LVRN: variants seen among roughly 807,000 people sequenced by gnomAD.
LVRN encodes laeverin.
In LVRN, 99 loss-of-function variants were observed where a neutral mutation model predicts 111.4. The observed-to-expected ratio is 0.89, with a 90% CI of 0.76 to 1.05. LVRN has a LOEUF of 1.05. Ranked by LOEUF, LVRN falls within the 50% of genes least tolerant of loss-of-function variation. LVRN has a pLI of 0.00. For synonymous variants in LVRN, 488 were observed against 449.5 expected (o/e 1.09, Z -1.08); for missense variants, 1,414 against 1,206.8 (o/e 1.17, Z -2.54).
rs186488524 is a variant in LVRN at position 116,005,046 on chromosome 5, T to A, written c.2038-866T>A. On this transcript the variant is annotated intron_variant, in intron 12 of 19. Transcript: ENST00000357872. ...TATAGTAATGATTTATTGAAACCAT[T>A]GTAGATTTACTTATTGAAAAACAGA... Among the ~76,000 whole-genome samples the A allele has an allele frequency of 6.3e-3, 956 of 152,318 alleles. 5 individuals carry two copies. The highest frequency in any genetic ancestry group is 0.01 in the Middle Eastern group (3 of 294).
chr5:115,976,913 G>C (rs2112562707), intron 1 of LVRN, among the ~76,000 whole-genome samples: 1 of 152,220 alleles, frequency 6.6e-6, no homozygotes, highest in South Asian at 2.1e-4. Context: ...CTTTGAGAGT[G>C]ACTCTAAAGA....
At position 115,979,001 on chromosome 5, in the gene LVRN, T is replaced by C. The variant is rs76579837; in HGVS notation, c.696-4286T>C. Among the ~76,000 whole-genome samples, 482 of 152,308 alleles carry C rather than the reference T, an allele frequency of 3.2e-3. 2 individuals carry two copies. Among genetic ancestry groups the C allele is most frequent in the African/African-American group, 0.011 (466 of 41,578 alleles). Reference sequence around the variant, plus strand: ...CTCAGCAACTTCTATTTCTTTGTTCTGATAGTCATCATGACTTCTTCCTCA... The same window carrying C: ...CTCAGCAACTTCTATTTCTTTGTTCCGATAGTCATCATGACTTCTTCCTCA... On this transcript the variant is annotated intron_variant, in intron 1 of 19. Coordinates refer to ENST00000357872, the MANE Select transcript of LVRN (RefSeq NM_173800.5).
chr5:116,003,733 C>T (rs892599925), intron 12 of LVRN, among the ~76,000 whole-genome samples: 4 of 152,174 alleles, frequency 2.6e-5, no homozygotes, highest in East Asian at 1.9e-4. Flanking sequence ...AGGCGCCTGC[C>T]ACCACGCCCG....
At chr5:116,014,852 T>C (rs1338897988) in intron 16 of LVRN, among the ~76,000 whole-genome samples, 19 of 152,110 alleles carry the variant, frequency 1.2e-4, no homozygotes, top group Non-Finnish European at 2.6e-4. Context: ...GATTGTTATA[T>C]CTATGAGTGC....
At position 115,984,702 on chromosome 5, in the gene LVRN, G is replaced by A. The variant is rs895507633; in HGVS notation, c.971G>A (p.Gly324Asp). The A allele has an allele frequency of 6.2e-7, 1 of 1,613,390 alleles. No individual in the cohort carries two copies. The highest frequency in any genetic ancestry group is 1.7e-5 in the Admixed American group (1 of 59,904). The change falls in exon 3 of 20, where the codon GGC (glycine) becomes GAC (aspartate). Residue 324 changes from glycine (G) to aspartate (D), a missense_variant. Coordinates refer to ENST00000357872, the MANE Select transcript of LVRN (RefSeq NM_173800.5). Reference sequence around the variant, plus strand: ...GACCACGTCAACAGAACAGAAAGGGGCAAGGAGGTGAGTGAGGAAGATTCT... The same window carrying A: ...GACCACGTCAACAGAACAGAAAGGGACAAGGAGGTGAGTGAGGAAGATTCT... ...DYDHVNRTERGKEIRIWARKD... is the reference protein window; with the variant it reads ...DYDHVNRTERDKEIRIWARKD...
intron 18 of LVRN, 50 bp downstream of exon 18, chr5:116,015,815 C>CTGGAAGCTCAGCTTTAGTCTAGCA: frequency 6.3e-7 from 1 of 1,598,438 alleles, no homozygotes; most frequent in Non-Finnish European, 8.5e-7. Flanking sequence ...TGGTTTGGCA[C>CTGGAAGCTCAGCTTTAGTCTAGCA]TGGAAGCTCA....
At position 115,962,968 on chromosome 5, in the gene LVRN, C is replaced by G. The variant is rs756915267; in HGVS notation, c.351C>G (p.Pro117=). The G allele has an allele frequency of 1.1e-5, 17 of 1,613,192 alleles. No individual in the cohort carries two copies. The highest frequency in any genetic ancestry group is 1.2e-5 in the Non-Finnish European group (14 of 1,179,880). ...TGGAGCTGTGGCCGCAGCTGAGGCC[C>G]GACGAGCTTCCGGCCGGGTCTTTGC... ...YDLELWPQLR[P]DELPAGSLPF... The change falls in exon 1 of 20, where the codon CCC becomes CCG. Residue 117 remains proline, a synonymous_variant. Coordinates refer to ENST00000357872, the MANE Select transcript of LVRN (RefSeq NM_173800.5).
intron 15 of LVRN, among the ~76,000 whole-genome samples, chr5:116,013,561 G>A (rs538700437): frequency 3.9e-5 from 6 of 152,066 alleles, no homozygotes; most frequent in East Asian, 1.9e-4. Flanking sequence ...GTGAGGAGAG[G>A]GGGTGAGTAG....
At chr5:116,020,294 T>C (rs943117112) in intron 18 of LVRN, among the ~76,000 whole-genome samples, 1 of 152,212 alleles carries the variant, frequency 6.6e-6, no homozygotes, top group Non-Finnish European at 1.5e-5. Flanking sequence ...TAGCTATGAA[T>C]AGGTCCTATG....
chr5:115,993,541 T>C (rs1452990117), intron 5 of LVRN, among the ~76,000 whole-genome samples, 200 bp from the exon 6 acceptor site: 1 of 152,222 alleles, frequency 6.6e-6, no homozygotes, highest in Non-Finnish European at 1.5e-5. Flanking sequence ...GGAATATTTC[T>C]GAGAAATGCA....
At chr5:115,976,107 T>C (rs891467840) in intron 1 of LVRN, 1 of 152,458 alleles carries the variant, frequency 6.6e-6, no homozygotes, top group Non-Finnish European at 1.5e-5. Context: ...TCCCAGTGAC[T>C]AGCGGCCACA....
intron 1 of LVRN, among the ~76,000 whole-genome samples, chr5:115,972,506 A>C (rs539297626): frequency 6.6e-5 from 10 of 151,902 alleles, no homozygotes; most frequent in African/African-American, 2.4e-4. Flanking sequence ...TTTTCCATTA[A>C]ATTCTCTACA....
At chr5:115,999,959 A>G in intron 7 of LVRN, 57 bp downstream of exon 7, 1 of 1,542,538 alleles carries the variant, frequency 6.5e-7, no homozygotes, top group Non-Finnish European at 8.8e-7. Context: ...GTTGCATAAA[A>G]TGGATTCTAA....
intron 1 of LVRN, among the ~76,000 whole-genome samples, chr5:115,968,280 T>G (rs1430760131): frequency 1.3e-5 from 2 of 151,752 alleles, no homozygotes; most frequent in East Asian, 1.9e-4. Flanking sequence ...TATTTTTTTC[T>G]GAGAGTTTCT....
chr5:115,969,222 G>A (rs1050182037), intron 1 of LVRN, among the ~76,000 whole-genome samples: 2 of 152,072 alleles, frequency 1.3e-5, no homozygotes, highest in African/African-American at 4.8e-5. Context: ...GTATCTGCTG[G>A]TTTAAGGTTT....
intron 6 of LVRN, among the ~76,000 whole-genome samples, chr5:115,997,982 G>A (rs1454354452): frequency 6.6e-6 from 1 of 152,098 alleles, no homozygotes; most frequent in African/African-American, 2.4e-5. Flanking sequence ...ATACCAGGCA[G>A]GCAGAAGAAA....
chr5:116,002,144 T>A (rs1207139076), intron 10 of LVRN, among the ~76,000 whole-genome samples: 1 of 152,240 alleles, frequency 6.6e-6, no homozygotes, highest in Non-Finnish European at 1.5e-5. Flanking sequence ...TCTGTGGTTT[T>A]TGAGAAGACC....
At chr5:115,998,457 G>A (rs962678040) in intron 6 of LVRN, among the ~76,000 whole-genome samples, 2 of 152,152 alleles carry the variant, frequency 1.3e-5, no homozygotes, top group East Asian at 1.9e-4. Flanking sequence ...ATAGGAAAAA[G>A]GATGAAAAAG....
intron 1 of LVRN, among the ~76,000 whole-genome samples, chr5:115,967,289 A>G (rs961910599): frequency 2.0e-5 from 3 of 152,232 alleles, no homozygotes; most frequent in East Asian, 3.8e-4. Context: ...ATTTAAATCT[A>G]TAATCCACTT....
Sources: allele counts gnomAD v4.1 joint callset (sites outside exome capture counted in the v4.1 genomes callset), GRCh38; gene constraint gnomAD v4.1.1; transcripts MANE v1.5; gene names NCBI Gene and HGNC (gene_info 2026-07-23, HGNC 2026-07-21).